Variants in OSTF1 observed in about 807,000 individuals in gnomAD.
The protein encoded by OSTF1 is osteoclast stimulating factor 1.
In OSTF1, 27 loss-of-function variants were observed where a neutral mutation model predicts 37.2. The ratio of observed to expected loss-of-function variants is 0.73; its 90% CI spans 0.54 to 1.00. The LOEUF (loss-of-function observed/expected upper bound fraction) is 1.00. Ranked by LOEUF, OSTF1 falls within the 50% of genes least tolerant of loss-of-function variation. OSTF1 has a pLI of 0.00. For synonymous variants in OSTF1, 82 were observed against 89.2 expected, an observed-to-expected ratio of 0.92 and a Z score of 0.46; for missense variants, 232 against 253.8, an observed-to-expected ratio of 0.91 and a Z score of 0.58.
At chr9:75,130,829 G>A (rs1825751122) in intron 4 of OSTF1, among the ~76,000 whole-genome samples, 188 bp downstream of exon 4, 1 of 152,220 alleles carries the variant, frequency 6.6e-6, no homozygotes, top group Middle Eastern at 3.4e-3. Context: ...GCCTGACTCT[G>A]TGGCCTAAGA....
chr9:75,093,307 A>G (rs1825015954), intron 1 of OSTF1, among the ~76,000 whole-genome samples: 1 of 152,078 alleles, frequency 6.6e-6, no homozygotes, highest in Admixed American at 6.6e-5. Context: ...ATTAGCGTGA[A>G]TCTGTCTGGC....
At chr9:75,100,286 G>A (rs1309277195) in intron 1 of OSTF1, among the ~76,000 whole-genome samples, 1 of 152,172 alleles carries the variant, frequency 6.6e-6, no homozygotes, top group East Asian at 1.9e-4. Flanking sequence ...GCAGGCTCAA[G>A]GGCTTGGGAG....
intron 1 of OSTF1, among the ~76,000 whole-genome samples, chr9:75,095,854 A>G (rs1825072752): frequency 6.6e-6 from 1 of 151,758 alleles, no homozygotes; most frequent in Admixed American, 6.5e-5. Flanking sequence ...TAGCAACTGC[A>G]AATCAATTAA....
At chr9:75,145,953 G>A (rs1826017508) in intron 9 of OSTF1, among the ~76,000 whole-genome samples, 1 of 152,158 alleles carries the variant, frequency 6.6e-6, no homozygotes, top group Non-Finnish European at 1.5e-5. Flanking sequence ...TCAGAGATGT[G>A]ATACTTAGAG....
chr9:75,088,574 C>T lies in OSTF1; in HGVS notation c.-119C>T, dbSNP rs1379062461. On this transcript the variant is annotated 5_prime_UTR_variant, in exon 1 of 10. Coordinates refer to ENST00000346234, the MANE Select transcript of OSTF1 (RefSeq NM_012383.5). The stretch of plus-strand genomic sequence containing the variant: ...CCGCAGCCAAGGGTGGGCGCCGGTC[C>T]TAGGAGGCGCACGGTTGTAAGCCAG... 1 of 1,116,586 alleles carries T rather than the reference C, an allele frequency of 9.0e-7. No individual in the cohort carries two copies. Among genetic ancestry groups the T allele is most frequent in the Non-Finnish European group, 1.3e-6 (1 of 755,268 alleles). 69.2% of individuals were successfully genotyped at this position (1,116,586 alleles called of 1,614,324 possible). A position where few individuals can be genotyped will look rare whatever the true frequency, so the allele number is the denominator to read the frequency against.
intron 1 of OSTF1, among the ~76,000 whole-genome samples, chr9:75,114,901 T>C (rs1825454901): frequency 6.6e-6 from 1 of 152,224 alleles, no homozygotes; most frequent in Admixed American, 6.5e-5. Flanking sequence ...TCTTCATGCT[T>C]CATTCATTCC....
At chr9:75,090,780 C>A (rs1824958488) in intron 1 of OSTF1, among the ~76,000 whole-genome samples, 1 of 151,984 alleles carries the variant, frequency 6.6e-6, no homozygotes, top group Admixed American at 6.6e-5. Flanking sequence ...TGAGACTAGC[C>A]TGGGCAACAT....
At position 75,146,856 on chromosome 9, in the gene OSTF1, T is replaced by C; in HGVS notation, c.*115T>C. 2 of 676,780 alleles carry C rather than the reference T, an allele frequency of 3.0e-6. No individual in the cohort carries two copies. The highest frequency in any genetic ancestry group is 3.6e-5 in the South Asian group (2 of 55,374). The allele number at this position is 676,780 out of a possible 1,614,324, so 41.9% of individuals were successfully genotyped here. A position where few individuals can be genotyped will look rare whatever the true frequency, so the allele number is the denominator to read the frequency against. On this transcript the variant is annotated 3_prime_UTR_variant, in exon 10 of 10. Coordinates refer to ENST00000346234, the MANE Select transcript of OSTF1 (RefSeq NM_012383.5). Reference sequence around the variant, plus strand: ...AGAAAATTATATATGAACACGGCAGTGTTGCACTGTGTTTGAGTAGAACGT... The same window carrying C: ...AGAAAATTATATATGAACACGGCAGCGTTGCACTGTGTTTGAGTAGAACGT...
At chr9:75,110,276 AAC>A (rs1460513925) in intron 1 of OSTF1, among the ~76,000 whole-genome samples, 10 of 152,174 alleles carry the variant, frequency 6.6e-5, no homozygotes, top group African/African-American at 2.4e-4. Flanking sequence ...AACCCTTGAC[AAC>A]CACTGATCTT....
intron 1 of OSTF1, among the ~76,000 whole-genome samples, chr9:75,105,589 G>C (rs1309391883): frequency 1.3e-5 from 2 of 151,918 alleles, no homozygotes; most frequent in African/African-American, 4.8e-5. Context: ...CTTCATGGAC[G>C]AGCCTTTGGA....
intron 5 of OSTF1, 75 bp downstream of exon 5, chr9:75,131,898 A>G (rs1333538525): frequency 2.8e-6 from 3 of 1,053,626 alleles, no homozygotes; most frequent in Non-Finnish European, 4.4e-6. Flanking sequence ...TGACAAGTGC[A>G]TACACCCACG....
chr9:75,089,144 G>T (rs1824884710), intron 1 of OSTF1, among the ~76,000 whole-genome samples: 1 of 151,948 alleles, frequency 6.6e-6, no homozygotes, highest in Non-Finnish European at 1.5e-5. Context: ...TTCCTGACCG[G>T]CCAGAGCGAA....
At chr9:75,132,504 G>A (rs1351430047) in intron 5 of OSTF1, among the ~76,000 whole-genome samples, 2 of 152,188 alleles carry the variant, frequency 1.3e-5, no homozygotes, top group African/African-American at 4.8e-5. Flanking sequence ...AGAGGCAGGC[G>A]TTGTTGCCAC....
At chr9:75,139,488 G>C (rs901281104) in intron 8 of OSTF1, among the ~76,000 whole-genome samples, 17 of 152,080 alleles carry the variant, frequency 1.1e-4, no homozygotes, top group African/African-American at 3.4e-4. Context: ...GAGTGCAGTG[G>C]CGCAATCTTG....
intron 2 of OSTF1, among the ~76,000 whole-genome samples, chr9:75,119,152 G>A (rs186542185): frequency 3.9e-5 from 6 of 152,330 alleles, no homozygotes; most frequent in Admixed American, 2.0e-4. Context: ...TACTTACTGC[G>A]TGAATTTTCT....
Position 75,130,653 on chromosome 9 carries a change from T to C in OSTF1, c.196+12T>C, listed in dbSNP as rs745324839. ...TCCAAGCAACTATGGTAAGTGTTGCTGAGTGGTTTTACTTTAGCTTCGTTC... is the reference window on the plus strand; with the variant it reads ...TCCAAGCAACTATGGTAAGTGTTGCCGAGTGGTTTTACTTTAGCTTCGTTC... On this transcript the variant is annotated intron_variant, in intron 4 of 9. Transcript: ENST00000346234. The C allele has an allele frequency of 5.6e-6, 9 of 1,594,904 alleles. No homozygotes were observed. The East Asian group carries it at 8.9e-5, about 16-fold the overall frequency.
At chr9:75,117,189 T>G (rs1305749317) in intron 1 of OSTF1, among the ~76,000 whole-genome samples, 1 of 152,250 alleles carries the variant, frequency 6.6e-6, no homozygotes, top group Non-Finnish European at 1.5e-5. Flanking sequence ...TAAACATTTA[T>G]CATTTCTTTG....
At chr9:75,111,018 C>T (rs1825377609) in intron 1 of OSTF1, among the ~76,000 whole-genome samples, 1 of 151,970 alleles carries the variant, frequency 6.6e-6, no homozygotes, top group African/African-American at 2.4e-5. Context: ...CGTGCCCGGC[C>T]CCAATCCCTT....
chr9:75,137,871 T>C (rs1825868251), intron 8 of OSTF1, among the ~76,000 whole-genome samples: 1 of 152,214 alleles, frequency 6.6e-6, no homozygotes, highest in South Asian at 2.1e-4. Flanking sequence ...AGAACTGTAT[T>C]GTATGTTTCT....
Sources: allele counts gnomAD v4.1 joint callset (sites outside exome capture counted in the v4.1 genomes callset), GRCh38; gene constraint gnomAD v4.1.1; transcripts MANE v1.5; gene names NCBI Gene and HGNC (gene_info 2026-07-23, HGNC 2026-07-21).